Variants in CDH12 observed in about 807,000 individuals in gnomAD.
The protein encoded by CDH12 is cadherin 12, also known as cadherin-12.
CDH12 carries 41 observed loss-of-function variants against 74.1 expected under a neutral mutation model. The ratio of observed to expected loss-of-function variants is 0.55; its 90% CI spans 0.43 to 0.72. CDH12 has a LOEUF of 0.72. CDH12 is among the 30% of genes least tolerant of loss of function. CDH12 has a pLI of 0.00. For missense variants in CDH12, 945 were observed against 977.2 expected, an observed-to-expected ratio of 0.97 and a Z score of 0.44; for synonymous variants, 399 against 355.0, an observed-to-expected ratio of 1.12 and a Z score of -1.39.
intron 1 of CDH12, among the ~76,000 whole-genome samples, chr5:22,541,665 C>T (rs529231433): frequency 7.9e-4 from 120 of 152,226 alleles, no homozygotes; most frequent in African/African-American, 2.6e-3. Flanking sequence ...TGTGTTTGTG[C>T]CCTATAATCA....
At chr5:22,461,712 C>A (rs1384370561) in intron 2 of CDH12, among the ~76,000 whole-genome samples, 1 of 151,396 alleles carries the variant, frequency 6.6e-6, no homozygotes, top group Non-Finnish European at 1.5e-5. Flanking sequence ...ACTTTGCCTC[C>A]AATTATTTAT....
At chr5:22,290,668 C>A (rs1737346001) in intron 3 of CDH12, among the ~76,000 whole-genome samples, 1 of 151,954 alleles carries the variant, frequency 6.6e-6, no homozygotes, top group African/African-American at 2.4e-5. Flanking sequence ...ACCAAAAGAG[C>A]AAATGATTGA....
intron 3 of CDH12, among the ~76,000 whole-genome samples, chr5:22,398,384 C>T (rs1166211567): frequency 2.0e-5 from 3 of 152,202 alleles, no homozygotes; most frequent in East Asian, 1.9e-4. Flanking sequence ...TTCATACCAA[C>T]GCCCTCTTTT....
intron 8 of CDH12, among the ~76,000 whole-genome samples, chr5:21,828,907 T>C (rs6863667): frequency 0.66 from 83,604 of 127,174 alleles, 27,275 homozygotes; most frequent in Non-Finnish European, 0.75. Context: ...AAATCCTATG[T>C]CTTTTTTTTT....
At chr5:21,927,142 T>C (rs1424722096) in intron 6 of CDH12, among the ~76,000 whole-genome samples, 1 of 152,096 alleles carries the variant, frequency 6.6e-6, no homozygotes, top group East Asian at 1.9e-4. Context: ...AGAGGCAGAG[T>C]TAGCCAGGGC....
chr5:22,196,807 T>C (rs985493924), intron 4 of CDH12, among the ~76,000 whole-genome samples: 3 of 152,174 alleles, frequency 2.0e-5, no homozygotes, highest in African/African-American at 7.2e-5. Context: ...GACATCACTG[T>C]AGCTCCTTGT....
At chr5:22,235,286 A>G (rs905304969) in intron 3 of CDH12, among the ~76,000 whole-genome samples, 6 of 152,182 alleles carry the variant, frequency 3.9e-5, no homozygotes, top group Admixed American at 1.3e-4. Context: ...ATCAGTTAAA[A>G]AAACAAATTA....
At chr5:21,964,255 G>T (rs1190838833) in intron 6 of CDH12, among the ~76,000 whole-genome samples, 2 of 152,006 alleles carry the variant, frequency 1.3e-5, no homozygotes, top group Non-Finnish European at 2.9e-5. Context: ...CTCATCTAGG[G>T]TTTAGTTTTG....
At chr5:21,978,889 G>A (rs1193008149) in intron 5 of CDH12, among the ~76,000 whole-genome samples, 2 of 152,158 alleles carry the variant, frequency 1.3e-5, no homozygotes, top group East Asian at 3.9e-4. Flanking sequence ...TCCGGAAATT[G>A]ATCTCTATCG....
chr5:21,771,246 A>T (rs1442963461), intron 11 of CDH12, among the ~76,000 whole-genome samples: 1 of 151,972 alleles, frequency 6.6e-6, no homozygotes, highest in African/African-American at 2.4e-5. Context: ...GTTCTAAATT[A>T]CAACTACAAT....
chr5:22,483,769 T>TATATATATATATATATATATATATAAA (rs1554044195), intron 2 of CDH12, among the ~76,000 whole-genome samples: 1 of 118,614 alleles, frequency 8.4e-6, no homozygotes. Context: ...TATATAAATT[T>TATATATATATATATATATATATATAAA]AATTAATTGG....
chr5:22,665,398 A>T (rs536749792), intron 1 of CDH12, among the ~76,000 whole-genome samples: 1 of 152,316 alleles, frequency 6.6e-6, no homozygotes, highest in South Asian at 2.1e-4. Flanking sequence ...GAGGAAAGTG[A>T]ATTATATCAA....
At chr5:22,257,424 C>T (rs1436374815) in intron 3 of CDH12, among the ~76,000 whole-genome samples, 1 of 151,552 alleles carries the variant, frequency 6.6e-6, no homozygotes, top group Non-Finnish European at 1.5e-5. Flanking sequence ...TACATCTGTA[C>T]AATGTGTTTG....
At chr5:21,765,199 T>C (rs1376308311) in intron 11 of CDH12, 100 bp from the exon 12 acceptor site, 1 of 993,240 alleles carries the variant, frequency 1.0e-6, no homozygotes, top group East Asian at 3.1e-5. Context: ...AGCCTTTATA[T>C]AGAATGAAAA....
rs567424036 is a variant in CDH12, at chr5:21,870,137, C to T, written c.527-15347G>A. On this transcript the variant is annotated intron_variant, in intron 6 of 14. Coordinates refer to ENST00000382254, the MANE Select transcript of CDH12 (RefSeq NM_004061.5). ...GTGACTTGCTCCTCTTTGCCTTTTG[C>T]CATGATTGTGAAGCTTCCCCAGCCA... 1.3e-3 allele frequency among the ~76,000 whole-genome samples: 192 copies of T among 152,274 alleles called. 1 individual carries two copies. The highest frequency in any genetic ancestry group is 6.8e-3 in the Middle Eastern group (2 of 294).
intron 1 of CDH12, among the ~76,000 whole-genome samples, chr5:22,788,865 CAA>C (rs1330161969): frequency 4.0e-5 from 6 of 151,736 alleles, no homozygotes; most frequent in Non-Finnish European, 5.9e-5. Context: ...AATTTTCACT[CAA>C]AGAGTCTAGT....
At chr5:22,427,833 AC>A (rs1561396344) in intron 2 of CDH12, among the ~76,000 whole-genome samples, 1 of 152,184 alleles carries the variant, frequency 6.6e-6, no homozygotes, top group Non-Finnish European at 1.5e-5. Context: ...GCTGTATAGG[AC>A]ACATCTGCTT....
intron 3 of CDH12, among the ~76,000 whole-genome samples, chr5:22,381,594 T>G (rs1367986329): frequency 6.6e-6 from 1 of 151,962 alleles, no homozygotes; most frequent in South Asian, 2.1e-4. Context: ...TCCTGAATAA[T>G]TGTCCACCTA....
chr5:22,618,055 A>T (rs1025409651), intron 1 of CDH12, among the ~76,000 whole-genome samples: 5 of 152,124 alleles, frequency 3.3e-5, no homozygotes, highest in Non-Finnish European at 7.4e-5. Flanking sequence ...TGCTATAAAG[A>T]ATCTGAGCTA....
Sources: gnomAD v4.1 joint callset for allele counts (sites outside exome capture counted in the v4.1 genomes callset) on GRCh38, gnomAD v4.1.1 for gene constraint, MANE v1.5 for transcripts, NCBI Gene and HGNC (gene_info 2026-07-23, HGNC 2026-07-21) for gene names.